Variants in DPF3 observed in about 807,000 individuals in gnomAD.
DPF3 encodes the protein zinc finger protein DPF3.
Under a neutral mutation model 56.8 loss-of-function variants are expected in DPF3, and 18 were observed. That is an observed-to-expected ratio of 0.32 (90% CI 0.22 to 0.47). The LOEUF is 0.47. Ranked by LOEUF, DPF3 falls within the 20% of genes least tolerant of loss-of-function variation. The pLI is 1.00. For synonymous variants in DPF3, 188 were observed against 180.2 expected, an observed-to-expected ratio of 1.04 and a Z score of -0.35; for missense variants, 403 against 488.8, an observed-to-expected ratio of 0.82 and a Z score of 1.65.
intron 1 of DPF3, among the ~76,000 whole-genome samples, chr14:72,815,857 T>A (rs938849189): frequency 1.3e-5 from 2 of 152,228 alleles, no homozygotes; most frequent in African/African-American, 2.4e-5. Context: ...CCTTGACCCA[T>A]GGCCCCTTCC....
chr14:72,867,033 T>G (rs1885701914), intron 1 of DPF3, among the ~76,000 whole-genome samples: 1 of 151,672 alleles, frequency 6.6e-6, no homozygotes, highest in East Asian at 1.9e-4. Context: ...GCCCAAATAC[T>G]GGTATTTCAA....
intron 2 of DPF3, among the ~76,000 whole-genome samples, chr14:72,764,014 C>T (rs148723957): frequency 9.2e-5 from 14 of 152,274 alleles, no homozygotes; most frequent in Admixed American, 3.3e-4. Context: ...CTTCCTGGCA[C>T]ACAGTTCCTA....
chr14:72,892,113 A>G, intron 1 of DPF3: 2 of 1,513,404 alleles, frequency 1.3e-6, no homozygotes, highest in Non-Finnish European at 1.8e-6. Context: ...GCTCCCGGGT[A>G]ACTAGGGTAC....
intron 1 of DPF3, among the ~76,000 whole-genome samples, chr14:72,827,164 G>T (rs894327850): frequency 2.6e-5 from 4 of 151,864 alleles, no homozygotes; most frequent in Non-Finnish European, 4.4e-5. Flanking sequence ...GCCATGTTCC[G>T]CTTGGGGTGG....
chr14:72,794,436 C>T (rs951217598), intron 1 of DPF3, among the ~76,000 whole-genome samples: 11 of 152,162 alleles, frequency 7.2e-5, no homozygotes, highest in African/African-American at 2.7e-4. Context: ...TACAGATTGC[C>T]CCACCACCAC....
In DPF3 at chr14:72,771,908, G is replaced by A. The variant is rs760746400; in HGVS notation, c.33-15C>T. On this transcript the variant is annotated splice_polypyrimidine_tract_variant and intron_variant, in intron 1 of 10. Coordinates refer to ENST00000556509, the MANE Select transcript of DPF3 (RefSeq NM_001280542.3). ...GGTCCCCGAGCCTGCCAGAGTCAGA[G>A]AGTGAAGGGGTGAGGCCAGGGAAGA... 6.4e-7 allele frequency: 1 copy of A among 1,558,542 alleles called. No homozygotes were observed. The highest frequency in any genetic ancestry group is 2.3e-5 in the East Asian group (1 of 42,956).
chr14:72,654,956 G>C (rs1886021616), intron 8 of DPF3, among the ~76,000 whole-genome samples: 1 of 152,166 alleles, frequency 6.6e-6, no homozygotes, highest in Non-Finnish European at 1.5e-5. Flanking sequence ...GGGTAAAACA[G>C]TCTACTTTAA....
At chr14:72,700,719 G>A (rs1888121500) in intron 6 of DPF3, among the ~76,000 whole-genome samples, 1 of 152,214 alleles carries the variant, frequency 6.6e-6, no homozygotes, top group Non-Finnish European at 1.5e-5. Flanking sequence ...TCCCAGCTCT[G>A]CTGTTGACTC....
intron 8 of DPF3, among the ~76,000 whole-genome samples, chr14:72,660,678 G>A (rs966897021): frequency 2.6e-5 from 4 of 152,206 alleles, no homozygotes; most frequent in African/African-American, 9.7e-5. Flanking sequence ...AGGTGTGACA[G>A]CAACCTTGGA....
chr14:72,831,030 C>T (rs369568293), intron 1 of DPF3, among the ~76,000 whole-genome samples: 3 of 152,176 alleles, frequency 2.0e-5, no homozygotes, highest in African/African-American at 4.8e-5. Context: ...CAGCCATGAA[C>T]GTCCCCCATG....
intron 9 of DPF3, among the ~76,000 whole-genome samples, chr14:72,622,436 A>G (rs956402504): frequency 6.6e-6 from 1 of 152,182 alleles, no homozygotes; most frequent in Admixed American, 6.5e-5. Flanking sequence ...GGGATAATAC[A>G]AGGAGAAACA....
chr14:72,631,582 T>C (rs1231429736), intron 8 of DPF3, among the ~76,000 whole-genome samples: 5 of 151,966 alleles, frequency 3.3e-5, no homozygotes, highest in Non-Finnish European at 5.9e-5. Flanking sequence ...ATAGGCAAGT[T>C]GACTTTGGCC....
intron 1 of DPF3, among the ~76,000 whole-genome samples, chr14:72,826,941 C>T (rs1883830659): frequency 1.3e-5 from 2 of 151,626 alleles, no homozygotes; most frequent in Admixed American, 1.3e-4. Flanking sequence ...ACTCGGGAGG[C>T]TGAGGCAGGA....
At chr14:72,821,805 A>G (rs1883556441) in intron 1 of DPF3, among the ~76,000 whole-genome samples, 1 of 152,018 alleles carries the variant, frequency 6.6e-6, no homozygotes, top group South Asian at 2.1e-4. Context: ...CAGGAGTTCA[A>G]GACTAGACTG....
intron 2 of DPF3, among the ~76,000 whole-genome samples, chr14:72,770,888 A>G (rs572078579): frequency 1.3e-5 from 2 of 152,348 alleles, no homozygotes; most frequent in Non-Finnish European, 2.9e-5. Flanking sequence ...AGTAATATCA[A>G]TAATAATAGG....
chr14:72,670,697 T>C (rs1886633710), intron 8 of DPF3: 2 of 997,614 alleles, frequency 2.0e-6, no homozygotes, highest in African/African-American at 1.8e-5. Flanking sequence ...CTAGAATATA[T>C]AAATAATAAT....
intron 2 of DPF3, among the ~76,000 whole-genome samples, chr14:72,768,947 G>A (rs1891402927): frequency 6.6e-6 from 1 of 151,480 alleles, no homozygotes; most frequent in Admixed American, 6.6e-5. Flanking sequence ...GTGTGTGTGT[G>A]TGTGTGTGTG....
At chr14:72,792,929 T>C (rs1054684374) in intron 1 of DPF3, among the ~76,000 whole-genome samples, 1 of 95,014 alleles carries the variant, frequency 1.1e-5, no homozygotes, top group Non-Finnish European at 2.9e-5. Context: ...AAAATAATAA[T>C]TTAAAAAAAA....
At chr14:72,851,039 T>G (rs1473838505) in intron 1 of DPF3, among the ~76,000 whole-genome samples, 1 of 152,182 alleles carries the variant, frequency 6.6e-6, no homozygotes, top group Non-Finnish European at 1.5e-5. Flanking sequence ...TCTTTCAACT[T>G]TTCAAGAAGC....
Sources: gnomAD v4.1 joint callset for allele counts (sites outside exome capture counted in the v4.1 genomes callset) on GRCh38, gnomAD v4.1.1 for gene constraint, MANE v1.5 for transcripts, NCBI Gene and HGNC (gene_info 2026-07-23, HGNC 2026-07-21) for gene names.